IL1RAPL1: variants seen among roughly 807,000 people sequenced by gnomAD.
The protein encoded by IL1RAPL1 is interleukin 1 receptor accessory protein like 1, also known as interleukin-1 receptor accessory protein-like 1.
A neutral mutation model predicts 48.4 loss-of-function variants in IL1RAPL1; 3 were observed. The observed-to-expected ratio is 0.06, with a 90% CI of 0.03 to 0.16. The LOEUF (loss-of-function observed/expected upper bound fraction) is 0.16, where lower values mean the gene tolerates loss of function less well. Among genes scored for constraint, IL1RAPL1 ranks in the 10% least tolerant of loss-of-function variants. The pLI is 1.00. For missense variants in IL1RAPL1, 349 were observed against 530.6 expected (o/e 0.66, Z 3.36); for synonymous variants, 185 against 187.7 (o/e 0.99, Z 0.12).
intron 3 of IL1RAPL1, among the ~76,000 whole-genome samples, chrX:29,320,018 G>T (rs1282404525): frequency 8.9e-6 from 1 of 111,979 alleles, no homozygotes; most frequent in Non-Finnish European, 1.9e-5. Context: ...GACAACAGGG[G>T]AGTCAGGGGA....
At chrX:29,476,766 G>A (rs1356628703) in intron 5 of IL1RAPL1, among the ~76,000 whole-genome samples, 1 of 107,073 alleles carries the variant, frequency 9.3e-6, no homozygotes, top group East Asian at 2.9e-4. Flanking sequence ...AAAAATACTC[G>A]AAAAAACAAA....
At chrX:29,634,268 A>C (rs1924893600) in intron 5 of IL1RAPL1, among the ~76,000 whole-genome samples, 1 of 111,671 alleles carries the variant, frequency 9.0e-6, no homozygotes, top group Non-Finnish European at 1.9e-5. Context: ...CAATCCACTT[A>C]AGAAAGTTAA....
intron 2 of IL1RAPL1, among the ~76,000 whole-genome samples, chrX:29,034,864 T>C (rs1390477669): frequency 9.1e-6 from 1 of 109,362 alleles, no homozygotes; most frequent in Non-Finnish European, 1.9e-5. Context: ...TTTTTTTTTT[T>C]TCTTTATTGA....
At chrX:29,336,966 C>G (rs977774714) in intron 3 of IL1RAPL1, among the ~76,000 whole-genome samples, 5 of 110,513 alleles carry the variant, frequency 4.5e-5, no homozygotes, top group African/African-American at 1.3e-4. Context: ...ATTCTGGTTT[C>G]TATGTCACAC....
At chrX:29,857,116 C>A (rs1014834296) in intron 6 of IL1RAPL1, among the ~76,000 whole-genome samples, 25 of 111,261 alleles carry the variant, frequency 2.2e-4, no homozygotes, top group African/African-American at 7.8e-4. Context: ...AATTGCATAA[C>A]ACGAGTTCAC....
intron 2 of IL1RAPL1, among the ~76,000 whole-genome samples, chrX:28,898,483 T>C (rs899227893): frequency 9.0e-6 from 1 of 111,300 alleles, no homozygotes; most frequent in African/African-American, 3.3e-5. Context: ...AACTTCTTTT[T>C]TTCCCCCTTT....
chrX:29,588,496 G>C (rs1923258982), intron 5 of IL1RAPL1, among the ~76,000 whole-genome samples: 1 of 112,320 alleles, frequency 8.9e-6, no homozygotes, highest in South Asian at 3.7e-4. Flanking sequence ...AGATTAAGTT[G>C]TTTTGCATTA....
chrX:29,044,243 C>T (rs1394575910), intron 2 of IL1RAPL1, among the ~76,000 whole-genome samples: 2 of 110,236 alleles, frequency 1.8e-5, no homozygotes, highest in Non-Finnish European at 3.8e-5. Flanking sequence ...ACCAGCCTGG[C>T]CAACACGGTG....
rs750207656 is a variant in IL1RAPL1 at position 29,088,772 on chromosome X, AAC to A, written c.83-194162_83-194161del. ...AGTAGATTTTAAATAACTACGAACTAACACATAGTGCTTTGCAAGTGAAGTGG... is the reference window on the plus strand; with the variant it reads ...AGTAGATTTTAAATAACTACGAACTAACATAGTGCTTTGCAAGTGAAGTGG... On this transcript the variant is annotated intron_variant, in intron 2 of 10. Transcript: ENST00000378993. 2.1e-3 allele frequency among the ~76,000 whole-genome samples: 229 copies of A among 110,517 alleles called. 2 individuals are homozygous for A. Among genetic ancestry groups the A allele is most frequent in the African/African-American group, 6.8e-3 (208 of 30,497 alleles).
intron 2 of IL1RAPL1, among the ~76,000 whole-genome samples, chrX:29,144,730 C>CT (rs752844858): frequency 0.03 from 2,783 of 94,118 alleles, 42 homozygotes; most frequent in East Asian, 0.038. Context: ...TGTTGATCTT[C>CT]TTTTTTTTTT....
At chrX:28,786,393 A>G (rs750745363) in intron 1 of IL1RAPL1, among the ~76,000 whole-genome samples, 17 of 110,698 alleles carry the variant, frequency 1.5e-4, no homozygotes, top group Non-Finnish European at 2.1e-4. Flanking sequence ...TGAACCCAGG[A>G]GGCAGCGGTT....
chrX:29,719,174 C>T (rs1927564561), intron 6 of IL1RAPL1, among the ~76,000 whole-genome samples: 1 of 111,180 alleles, frequency 9.0e-6, no homozygotes, highest in African/African-American at 3.3e-5. Flanking sequence ...GATATGAGTT[C>T]CTTATGAATT....
intron 2 of IL1RAPL1, among the ~76,000 whole-genome samples, chrX:29,224,461 G>A (rs763365717): frequency 9.0e-6 from 1 of 111,176 alleles, no homozygotes; most frequent in Middle Eastern, 4.6e-3. Context: ...GACAAAAGTT[G>A]CTTGAGTATT....
chrX:28,977,906 T>G (rs775638783), intron 2 of IL1RAPL1, among the ~76,000 whole-genome samples: 1 of 111,769 alleles, frequency 8.9e-6, no homozygotes, highest in South Asian at 3.8e-4. Flanking sequence ...GAGGTTGCAG[T>G]GAGCCGAGGT....
intron 2 of IL1RAPL1, among the ~76,000 whole-genome samples, chrX:28,838,403 A>C (rs771983236): frequency 1.8e-5 from 2 of 111,061 alleles, no homozygotes; most frequent in Non-Finnish European, 3.8e-5. Context: ...AAAATGAGGT[A>C]CCAGATTTTG....
At chrX:29,802,367 C>T (rs1366062046) in intron 6 of IL1RAPL1, among the ~76,000 whole-genome samples, 1 of 110,869 alleles carries the variant, frequency 9.0e-6, no homozygotes. Flanking sequence ...ACCAGTGCTT[C>T]TCAAATTATC....
chrX:28,905,462 T>C (rs1923193303), intron 2 of IL1RAPL1, among the ~76,000 whole-genome samples: 1 of 111,780 alleles, frequency 8.9e-6, no homozygotes, highest in Non-Finnish European at 1.9e-5. Context: ...GATACTTTTC[T>C]GTGTAAATAT....
At chrX:29,463,887 G>A (rs769792349) in intron 5 of IL1RAPL1, among the ~76,000 whole-genome samples, 11 of 111,373 alleles carry the variant, frequency 9.9e-5, no homozygotes, top group Non-Finnish European at 1.5e-4. Flanking sequence ...TGGAGGCCCC[G>A]TGTAGGAATT....
chrX:29,931,680 C>T (rs948591144), intron 8 of IL1RAPL1, among the ~76,000 whole-genome samples: 1 of 112,207 alleles, frequency 8.9e-6, no homozygotes, highest in Non-Finnish European at 1.9e-5. Context: ...CTGTAGAAAA[C>T]ATGGCTTCTT....
Sources: allele counts gnomAD v4.1 joint callset (sites outside exome capture counted in the v4.1 genomes callset), GRCh38; gene constraint gnomAD v4.1.1; transcripts MANE v1.5; gene names NCBI Gene and HGNC (gene_info 2026-07-23, HGNC 2026-07-21).